COL21A1: variants seen among roughly 807,000 people sequenced by gnomAD.
COL21A1 encodes collagen alpha-1(XXI) chain.
Under a neutral mutation model 137.9 loss-of-function variants are expected in COL21A1, and 149 were observed. The ratio of observed to expected loss-of-function variants is 1.08; its 90% CI spans 0.95 to 1.24. The LOEUF (loss-of-function observed/expected upper bound fraction) is 1.24. Ranked by LOEUF, COL21A1 falls within the 50% of genes most tolerant of loss-of-function variation. The pLI is 0.00. For missense variants in COL21A1, 1,167 were observed against 1,158.4 expected (o/e 1.01, Z -0.11); for synonymous variants, 456 against 391.5 (o/e 1.16, Z -1.95).
In COL21A1 at chr6:56,179,986, C is replaced by T. The variant is rs759550937; in HGVS notation, c.232G>A (p.Val78Met). Reference sequence around the variant, plus strand: ...ACAGGGTAGTCACTATATTGAACCACTCCAACTTGAATAAACTTCGGCCCT... The same window carrying T: ...ACAGGGTAGTCACTATATTGAACCATTCCAACTTGAATAAACTTCGGCCCT... ...DIGPKFIQVG[V>M]VQYSDYPVLE... The change falls in exon 3 of 30, where the codon GTG becomes ATG. Residue 78 changes from valine to methionine, a missense_variant. By Grantham distance (21) the Val-to-Met change is conservative. Transcript: ENST00000244728. 6.2e-7 allele frequency: 1 copy of T among 1,613,918 alleles called. No homozygotes were observed. Among genetic ancestry groups the T allele is most frequent in the Non-Finnish European group, 8.5e-7 (1 of 1,179,860 alleles).
chr6:56,338,993 T>A (rs373208468), intron 1 of COL21A1, among the ~76,000 whole-genome samples: 23 of 152,292 alleles, frequency 1.5e-4, no homozygotes, highest in African/African-American at 5.5e-4. Flanking sequence ...GTATTTCTTG[T>A]CTCTAGTAGC....
At chr6:56,162,665 A>T (rs1776278656) in intron 9 of COL21A1, among the ~76,000 whole-genome samples, 1 of 152,238 alleles carries the variant, frequency 6.6e-6, no homozygotes, top group African/African-American at 2.4e-5. Context: ...AGGCTTTGAT[A>T]GGTCAGACAG....
intron 16 of COL21A1, among the ~76,000 whole-genome samples, chr6:56,107,114 G>A (rs1280572408): frequency 1.3e-5 from 2 of 151,982 alleles, no homozygotes; most frequent in Non-Finnish European, 2.9e-5. Flanking sequence ...AAAAAATTCA[G>A]AATAAAAATG....
At chr6:56,303,777 G>C (rs568546743) in intron 1 of COL21A1, among the ~76,000 whole-genome samples, 1 of 152,114 alleles carries the variant, frequency 6.6e-6, no homozygotes, top group Non-Finnish European at 1.5e-5. Context: ...TGTTGAATAG[G>C]AGTGGTGAGA....
chr6:56,135,759 T>G (rs1773950618), intron 12 of COL21A1, among the ~76,000 whole-genome samples: 1 of 152,226 alleles, frequency 6.6e-6, no homozygotes, highest in East Asian at 1.9e-4. Flanking sequence ...CTACATCGTA[T>G]AGCTATGATT....
At chr6:56,097,775 A>G (rs1348640572) in intron 17 of COL21A1, among the ~76,000 whole-genome samples, 5 of 118,014 alleles carry the variant, frequency 4.2e-5, no homozygotes, top group African/African-American at 1.2e-4. Flanking sequence ...AAATATATAT[A>G]AATATATAAA....
rs185387308 is a variant in COL21A1 at position 56,147,780 on chromosome 6, T to C, written c.1435-5797A>G. Among the ~76,000 whole-genome samples the C allele has an allele frequency of 3.3e-5, 5 of 152,240 alleles. No homozygotes were observed. In the East Asian group the frequency reaches 9.6e-4, roughly 29 times the overall value. ...ACATACGACTTTCACAGAAGGAGAA[T>C]GTTGAAGAAAAATGAATTAGCTGGT... On this transcript the variant is annotated intron_variant, in intron 10 of 29. Coordinates refer to ENST00000244728, the MANE Select transcript of COL21A1 (RefSeq NM_030820.4).
intron 10 of COL21A1, among the ~76,000 whole-genome samples, chr6:56,149,041 C>T (rs896969049): frequency 1.3e-5 from 2 of 152,218 alleles, no homozygotes; most frequent in African/African-American, 4.8e-5. Flanking sequence ...TTAGGCAGCC[C>T]TATTACATAC....
At chr6:56,248,019 A>G (rs1243754189), upstream of COL21A1, among the ~76,000 whole-genome samples, 2 of 152,196 alleles carry the variant, frequency 1.3e-5, no homozygotes, top group Admixed American at 6.5e-5. Context: ...CAGCTGCTCC[A>G]AAACCTGAGG....
intron 27 of COL21A1, chr6:56,060,451 A>G (rs1460618805): frequency 2.0e-6 from 1 of 512,390 alleles, no homozygotes; most frequent in Non-Finnish European, 3.3e-6. Flanking sequence ...AGTGCCCCCA[A>G]AAGAAATTGG....
chr6:56,065,311 T>C (rs1482690411), intron 23 of COL21A1, among the ~76,000 whole-genome samples: 3 of 152,038 alleles, frequency 2.0e-5, no homozygotes, highest in South Asian at 2.1e-4. Context: ...CAATTTTACA[T>C]CACCCTTGCC....
At chr6:56,189,270 A>G (rs1778504909) in intron 1 of COL21A1, among the ~76,000 whole-genome samples, 1 of 152,044 alleles carries the variant, frequency 6.6e-6, no homozygotes, top group African/African-American at 2.4e-5. Context: ...AGAGAAGAAT[A>G]TAAATGACCT....
At chr6:56,349,276 AACC>A (rs886588770) in intron 1 of COL21A1, among the ~76,000 whole-genome samples, 2 of 152,184 alleles carry the variant, frequency 1.3e-5, no homozygotes, top group African/African-American at 4.8e-5. Flanking sequence ...TAAGAAATGA[AACC>A]ACATTTCTTT....
At chr6:56,287,115 A>G (rs557327444) in intron 1 of COL21A1, among the ~76,000 whole-genome samples, 1 of 152,330 alleles carries the variant, frequency 6.6e-6, no homozygotes, top group Non-Finnish European at 1.5e-5. Flanking sequence ...CAATCCTCTC[A>G]TTGAGGCTAA....
At chr6:56,249,950 A>G (rs1782816216), upstream of COL21A1, among the ~76,000 whole-genome samples, 1 of 152,238 alleles carries the variant, frequency 6.6e-6, no homozygotes, top group South Asian at 2.1e-4. Context: ...GTAGGTCAAT[A>G]AAGATGTTAT....
rs371474151 is a variant in COL21A1, at chr6:56,124,299, C to T, written c.1651-7G>A. ...CCTTTTCACCTTTTGCACCCTGTATCGAAAACAAACACTTAAAACACAATC... is the reference window on the plus strand; with the variant it reads ...CCTTTTCACCTTTTGCACCCTGTATTGAAAACAAACACTTAAAACACAATC... On this transcript the variant is annotated splice_polypyrimidine_tract_variant and splice_region_variant and intron_variant, in intron 14 of 29. Coordinates refer to ENST00000244728, the MANE Select transcript of COL21A1 (RefSeq NM_030820.4). 84 of 1,596,280 alleles carry T rather than the reference C, an allele frequency of 5.3e-5. No homozygotes were observed. The highest frequency in any genetic ancestry group is 9.4e-5 in the African/African-American group (7 of 74,616).
intron 10 of COL21A1, among the ~76,000 whole-genome samples, chr6:56,148,773 C>A (rs917318586): frequency 6.6e-6 from 1 of 152,184 alleles, no homozygotes; most frequent in African/African-American, 2.4e-5. Flanking sequence ...CTCTTATACT[C>A]TATCACCATT....
chr6:56,242,734 A>G (rs1182049648), intron 1 of COL21A1, among the ~76,000 whole-genome samples: 2 of 152,204 alleles, frequency 1.3e-5, no homozygotes, highest in Non-Finnish European at 2.9e-5. Flanking sequence ...GACAAAGGTG[A>G]AAAAATTATC....
chr6:56,199,777 C>A (rs1295559155), intron 1 of COL21A1, among the ~76,000 whole-genome samples: 1 of 152,168 alleles, frequency 6.6e-6, no homozygotes, highest in African/African-American at 2.4e-5. Flanking sequence ...GAATCCTTTC[C>A]ATTACATTCA....
Sources: allele counts gnomAD v4.1 joint callset (sites outside exome capture counted in the v4.1 genomes callset), GRCh38; gene constraint gnomAD v4.1.1; transcripts MANE v1.5; gene names NCBI Gene and HGNC (gene_info 2026-07-23, HGNC 2026-07-21).